FREM3: variants seen among roughly 807,000 people sequenced by gnomAD.
FREM3 encodes FRAS1 related extracellular matrix 3, also known as FRAS1-related extracellular matrix protein 3.
Under a neutral mutation model 129.1 loss-of-function variants are expected in FREM3, and 105 were observed. That is an observed-to-expected ratio of 0.81 (90% CI 0.69 to 0.96). The LOEUF is 0.96. FREM3 is among the 40% of genes least tolerant of loss of function. FREM3 has a pLI of 0.00. For synonymous variants in FREM3, 1,014 were observed against 1,044.9 expected, an observed-to-expected ratio of 0.97 and a Z score of 0.57; for missense variants, 2,593 against 2,666.3, an observed-to-expected ratio of 0.97 and a Z score of 0.61.
chr4:143,694,593 T>G, intron 1 of FREM3, among the ~76,000 whole-genome samples: 1 of 152,210 alleles, frequency 6.6e-6, no homozygotes, highest in Non-Finnish European at 1.5e-5. Context: ...TTATATAAGT[T>G]TAATATTTGA....
intron 5 of FREM3, among the ~76,000 whole-genome samples, chr4:143,619,560 A>G (rs1007304906): frequency 6.6e-6 from 1 of 152,184 alleles, no homozygotes; most frequent in Non-Finnish European, 1.5e-5. Context: ...TGAAAGTTCA[A>G]TTCGGTTATT....
At chr4:143,580,221 A>C (rs1337617287) in intron 7 of FREM3, among the ~76,000 whole-genome samples, 1 of 152,148 alleles carries the variant, frequency 6.6e-6, no homozygotes, top group African/African-American at 2.4e-5. Flanking sequence ...TGGATTTTCT[A>C]GGTGGACAGG....
intron 2 of FREM3, among the ~76,000 whole-genome samples, chr4:143,675,101 C>T (rs1392320607): frequency 6.6e-6 from 1 of 152,166 alleles, no homozygotes; most frequent in Non-Finnish European, 1.5e-5. Context: ...TTCTCAGCAC[C>T]ACACCACACC....
chr4:143,639,518 C>T (rs943467048), intron 2 of FREM3, among the ~76,000 whole-genome samples: 6 of 152,076 alleles, frequency 3.9e-5, no homozygotes, highest in Admixed American at 6.6e-5. Flanking sequence ...TTCTTTCTGC[C>T]CCCCTTAGCA....
At chr4:143,626,134 C>T (rs1023078639) in intron 3 of FREM3, among the ~76,000 whole-genome samples, 1 of 152,024 alleles carries the variant, frequency 6.6e-6, no homozygotes, top group Non-Finnish European at 1.5e-5. Flanking sequence ...TTTAGAGGTT[C>T]CTGTCTGTGA....
intron 7 of FREM3, among the ~76,000 whole-genome samples, chr4:143,584,831 T>C (rs1052750267): frequency 6.6e-6 from 1 of 152,204 alleles, no homozygotes; most frequent in Admixed American, 6.5e-5. Context: ...ATATACATTC[T>C]TCTCTTCTGC....
At chr4:143,589,232 T>C (rs1043540001) in intron 6 of FREM3, among the ~76,000 whole-genome samples, 9 of 152,106 alleles carry the variant, frequency 5.9e-5, no homozygotes, top group East Asian at 1.9e-4. Flanking sequence ...TGTGCAGAAG[T>C]TCTTTAGTTT....
At chr4:143,695,248 T>C (rs7681559) in intron 1 of FREM3, among the ~76,000 whole-genome samples, 37,386 of 152,204 alleles carry the variant, frequency 0.25, 5,687 homozygotes, top group Middle Eastern at 0.34. Context: ...TTAGCAGTTT[T>C]AAGGTATAAC....
Position 143,585,813 on chromosome 4 carries a change from T to C in FREM3, c.6178+31A>G. On this transcript the variant is annotated intron_variant, in intron 7 of 7. Transcript: ENST00000329798. The surrounding 1 kb of genome is among the most constrained non-coding windows in gnomAD (Gnocchi z 4.2). ...ACTCCACCATAAACATGTATCATGA[T>C]AATGATATATTCTTTAAGTGGCCCT... 6.5e-7 allele frequency: 1 copy of C among 1,534,518 alleles called. No homozygotes were observed. The highest frequency in any genetic ancestry group is 8.7e-7 in the Non-Finnish European group (1 of 1,144,854).
Position 143,593,456 on chromosome 4 carries a change from C to T in FREM3, c.6029-7463G>A, listed in dbSNP as rs559611338. Among the ~76,000 whole-genome samples the T allele has an allele frequency of 9.8e-3, 1,472 of 150,682 alleles. 27 individuals are homozygous for T. The highest frequency in any genetic ancestry group is 0.035 in the African/African-American group (1,421 of 40,854). The stretch of plus-strand genomic sequence containing the variant: ...GTTTGTTAGTTTTCCTTCTAACAGT[C>T]AGGACCCTCAGCTGCAGGTCTGTTG... On this transcript the variant is annotated intron_variant, in intron 6 of 7. Transcript: ENST00000329798.
rs1234190608 is a variant in FREM3 at position 143,695,785 on chromosome 4, C to T, written c.4891G>A (p.Asp1631Asn). The T allele has an allele frequency of 6.5e-7, 1 of 1,537,264 alleles. No homozygotes were observed. ...SLTVTDGTHTDFYVLPDTALA... is the reference protein window; with the variant it reads ...SLTVTDGTHTNFYVLPDTALA... ...GCAGTGTCTGGTAGGACATAGAAAT[C>T]AGTGTGAGTGCCGTCTGTCACAGTC... The change falls in exon 1 of 8, where the codon GAT (aspartate) becomes AAT (asparagine). Residue 1631 changes from aspartate to asparagine, a missense_variant. By Grantham distance (23) the Asp-to-Asn change is conservative. Around this residue, in one of 2 missense-constraint regions of FREM3, gnomAD observed 2,276 missense variants for 2,267.2 expected, o/e 1.00. Transcript: ENST00000329798.
intron 1 of FREM3, among the ~76,000 whole-genome samples, chr4:143,694,385 C>A (rs946411431): frequency 1.7e-4 from 26 of 151,966 alleles, no homozygotes. Flanking sequence ...TTACTGCATC[C>A]TAAGAAAAAA....
chr4:143,631,714 G>A (rs936122652), intron 2 of FREM3, among the ~76,000 whole-genome samples: 3 of 152,120 alleles, frequency 2.0e-5, no homozygotes, highest in African/African-American at 4.8e-5. Context: ...GGCTGGGAGA[G>A]ATGGGTAGAA....
intron 2 of FREM3, among the ~76,000 whole-genome samples, chr4:143,678,929 TA>T (rs1363134893): frequency 2.0e-5 from 3 of 152,120 alleles, no homozygotes; most frequent in African/African-American, 4.8e-5. Context: ...GATGCAAGCA[TA>T]AAAAAACTCT....
rs943575726 is a variant in FREM3, at chr4:143,696,811, G to A, written c.3865C>T (p.His1289Tyr). The A allele has an allele frequency of 6.5e-7, 1 of 1,537,662 alleles. No homozygotes were observed. The highest frequency in any genetic ancestry group is 2.4e-5 in the East Asian group (1 of 40,924). ...ATGGGTACCTTCCTGTGGGTTGTGTGCTTGCCGTCACTCAGCCAGACCTCA... is the reference window on the plus strand; with the variant it reads ...ATGGGTACCTTCCTGTGGGTTGTGTACTTGCCGTCACTCAGCCAGACCTCA... ...SFEVWLSDGK[H>Y]TTHRKVPIVV... Residue 1289 changes from histidine to tyrosine, a missense_variant, in exon 1 of 8, where the codon CAC (histidine) becomes TAC (tyrosine). By Grantham distance (83) the His-to-Tyr change is moderately conservative. Transcript: ENST00000329798.
At chr4:143,644,364 C>T (rs1739377519) in intron 2 of FREM3, among the ~76,000 whole-genome samples, 2 of 152,112 alleles carry the variant, frequency 1.3e-5, no homozygotes, top group South Asian at 2.1e-4. Context: ...GTTTTGTATA[C>T]ACTATCCTTA....
chr4:143,636,851 TA>T (rs1437225180), intron 2 of FREM3, among the ~76,000 whole-genome samples: 32 of 152,268 alleles, frequency 2.1e-4, no homozygotes, highest in African/African-American at 7.7e-4. Flanking sequence ...TACCAAATGA[TA>T]AAGTGGCAGC....
At chr4:143,676,643 C>G (rs1451359943) in intron 2 of FREM3, among the ~76,000 whole-genome samples, 1 of 152,054 alleles carries the variant, frequency 6.6e-6, no homozygotes, top group Non-Finnish European at 1.5e-5. Context: ...CTAGAAAACC[C>G]CATTGTCTCA....
chr4:143,690,852 C>G (rs182092292), intron 2 of FREM3, among the ~76,000 whole-genome samples: 1 of 152,082 alleles, frequency 6.6e-6, no homozygotes, highest in Admixed American at 6.5e-5. Context: ...TGGAAGGCAA[C>G]TGAAAAATTC....
Sources: gnomAD v4.1 joint callset for allele counts (sites outside exome capture counted in the v4.1 genomes callset) on GRCh38, gnomAD v4.1.1 for gene constraint, gnomAD v4.1.1 regional missense constraint, Gnocchi (gnomAD v3.1) non-coding constraint, MANE v1.5 for transcripts, NCBI Gene and HGNC (gene_info 2026-07-23, HGNC 2026-07-21) for gene names.